SPTBN4: variants seen among roughly 807,000 people sequenced by gnomAD.
SPTBN4 encodes spectrin beta, non-erythrocytic 4.
In SPTBN4, 96 loss-of-function variants were observed where a neutral mutation model predicts 277.8. The ratio of observed to expected loss-of-function variants is 0.35; its 90% CI spans 0.29 to 0.41. The LOEUF is 0.41. Ranked by LOEUF, SPTBN4 falls within the 10% of genes least tolerant of loss-of-function variation. The pLI, the probability that SPTBN4 is intolerant of heterozygous loss-of-function variation, is 1.00. For synonymous variants in SPTBN4, 1,481 were observed against 1,580.3 expected (o/e 0.94, Z 1.49); for missense variants, 3,006 against 3,595.7 (o/e 0.84, Z 4.19).
Position 40,569,741 on chromosome 19 carries a change from G to C in SPTBN4, c.7026+15G>C. 1 of 1,604,132 alleles carries C rather than the reference G, an allele frequency of 6.2e-7. No homozygotes were observed. The highest frequency in any genetic ancestry group is 8.5e-7 in the Non-Finnish European group (1 of 1,176,840). On this transcript the variant is annotated intron_variant, in intron 32 of 35. Coordinates refer to ENST00000598249, the MANE Select transcript of SPTBN4 (RefSeq NM_020971.3). Reference sequence around the variant, plus strand: ...TGCCTGCTGGGGTAAGTTGAGCCTCGGATGGGTGGGGATAGGAGGACCCCT... The same window carrying C: ...TGCCTGCTGGGGTAAGTTGAGCCTCCGATGGGTGGGGATAGGAGGACCCCT...
At position 40,557,128 on chromosome 19, in the gene SPTBN4, C is replaced by T; in HGVS notation, c.5395C>T (p.His1799Tyr). The change falls in exon 26 of 36, where the codon CAT becomes TAT. Residue 1799 changes from histidine (H) to tyrosine (Y), a missense_variant. By Grantham distance (83) the His-to-Tyr change is moderately conservative. Coordinates refer to ENST00000598249, the MANE Select transcript of SPTBN4 (RefSeq NM_020971.3). ...GGTGGATGAGCTGATCGAGTGTGGC[C>T]ATACAGCAGCGGCCACCATGGCCGA... ...QMVDELIECG[H>Y]TAAATMAEWK... The T allele has an allele frequency of 1.2e-6, 2 of 1,610,984 alleles. No homozygotes were observed. The highest frequency in any genetic ancestry group is 1.7e-6 in the Non-Finnish European group (2 of 1,177,702).
At chr19:40,570,165 G>T (rs1396220875) in intron 32 of SPTBN4, among the ~76,000 whole-genome samples, 3 of 151,418 alleles carry the variant, frequency 2.0e-5, no homozygotes, top group Non-Finnish European at 2.9e-5. Flanking sequence ...AGACAGTGGG[G>T]ACACGCCCTG....
chr19:40,549,419 G>C lies in SPTBN4; in HGVS notation c.4584+6G>C, dbSNP rs1379804033. ...ACGACCTGGACGACGAGCTGGTGAG[G>C]CCAGCGCAGGGGCCTGGGGCGGGGC... On this transcript the variant is annotated splice_donor_region_variant and intron_variant, in intron 21 of 35. Transcript: ENST00000598249. The C allele has an allele frequency of 3.8e-6, 3 of 794,328 alleles. No homozygotes were observed. Among genetic ancestry groups the C allele is most frequent in the Non-Finnish European group, 3.5e-6 (2 of 574,264 alleles). The allele number at this position is 794,328 out of a possible 1,614,324, so 49.2% of individuals were successfully genotyped here.
Position 40,549,510 on chromosome 19 carries a change from C to G in SPTBN4, c.4584+97C>G, listed in dbSNP as rs2080894317. 4.1e-6 allele frequency: 4 copies of G among 979,384 alleles called. No homozygotes were observed. The Admixed American group carries it at 1.4e-4, about 33-fold the overall frequency. The allele number at this position is 979,384 out of a possible 1,614,324, so 60.7% of individuals were successfully genotyped here. ...GGCTGAAGATGGAGACGGCTGAGAC[C>G]CTCCCACTCATACGCTGAAAGACGC... On this transcript the variant is annotated intron_variant, in intron 21 of 35. Coordinates refer to ENST00000598249, the MANE Select transcript of SPTBN4 (RefSeq NM_020971.3).
At chr19:40,571,199 G>C (rs956877478) in intron 33 of SPTBN4, 1 of 157,894 alleles carries the variant, frequency 6.3e-6, no homozygotes, top group South Asian at 1.4e-4. Context: ...GCTTGTCGTG[G>C]AGCTTGGAGA....
chr19:40,569,646 C>T lies in SPTBN4; in HGVS notation c.6957-11C>T, dbSNP rs949041621. 1 of 1,612,222 alleles carries T rather than the reference C, an allele frequency of 6.2e-7. No homozygotes were observed. The highest frequency in any genetic ancestry group is 1.1e-5 in the South Asian group (1 of 90,732). ...TGGTTTCACTGGGTCTTTCTGTCCCCCATCCCCCAGGAAGGCCACCCTGGC... is the reference window on the plus strand; with the variant it reads ...TGGTTTCACTGGGTCTTTCTGTCCCTCATCCCCCAGGAAGGCCACCCTGGC... On this transcript the variant is annotated splice_polypyrimidine_tract_variant and intron_variant, in intron 31 of 35. Coordinates refer to ENST00000598249, the MANE Select transcript of SPTBN4 (RefSeq NM_020971.3).
At position 40,472,736 on chromosome 19, in the gene SPTBN4, G is replaced by A. The variant is rs201023290; in HGVS notation, c.115G>A (p.Ala39Thr). ...GGGCTGGGAGCGGGAGCAGCCGGCT[G>A]CGTCCACCGCAGCGGCCTCGCTCTT... Reference protein sequence around the residue: ...DRGWEREQPAASTAAASLFEC... With the variant: ...DRGWEREQPATSTAAASLFEC... Residue 39 changes from alanine to threonine, a missense_variant, in exon 2 of 36, where the codon GCG (alanine) becomes ACG (threonine). Around this residue, in one of 5 missense-constraint regions of SPTBN4, gnomAD observed 78 missense variants for 65.7 expected, o/e 1.19. Coordinates refer to ENST00000598249, the MANE Select transcript of SPTBN4 (RefSeq NM_020971.3). The A allele has an allele frequency of 1.8e-5, 29 of 1,607,346 alleles. No individual in the cohort carries two copies. The South Asian group carries it at 3.2e-4, about 18-fold the overall frequency.
rs1244668171 is a variant in SPTBN4, at chr19:40,561,638, A to G, written c.5915+1235A>G. ...GGAGTTTGAGACCAGCCTAGCCAAC[A>G]TGGCAAAACTCCGTCTCTACTAAAA... On this transcript the variant is annotated intron_variant, in intron 27 of 35. Transcript: ENST00000598249. Among the ~76,000 whole-genome samples, 5 of 152,030 alleles carry G rather than the reference A, an allele frequency of 3.3e-5. No homozygotes were observed. The East Asian group carries it at 9.7e-4, about 29-fold the overall frequency.
chr19:40,504,106 A>T lies in SPTBN4; in HGVS notation c.1639A>T (p.Met547Leu). Residue 547 changes from methionine to leucine, a missense_variant, in exon 12 of 36, where the codon ATG becomes TTG. Met to Leu is a conservative substitution (Grantham distance 15, BLOSUM62 2). Around this residue, in one of 5 missense-constraint regions of SPTBN4, gnomAD observed 1,759 missense variants for 2,061.5 expected, o/e 0.85. Coordinates refer to ENST00000598249, the MANE Select transcript of SPTBN4 (RefSeq NM_020971.3). Reference protein sequence around the residue: ...LQKVFQEMVYMVDWMEEMQAQ... With the variant: ...LQKVFQEMVYLVDWMEEMQAQ... ...GAAGGTCTTCCAGGAGATGGTGTACATGGTGGACTGGATGGAGGAGATGCA... is the reference window on the plus strand; with the variant it reads ...GAAGGTCTTCCAGGAGATGGTGTACTTGGTGGACTGGATGGAGGAGATGCA... The T allele has an allele frequency of 4.6e-6, 6 of 1,302,720 alleles. No individual in the cohort carries two copies. The highest frequency in any genetic ancestry group is 6.2e-6 in the Non-Finnish European group (6 of 975,088). 80.7% of individuals were successfully genotyped at this position (1,302,720 alleles called of 1,614,324 possible). A position where few individuals can be genotyped will look rare whatever the true frequency, so the allele number is the denominator to read the frequency against.
chr19:40,556,597 A>G (rs1288938586), intron 25 of SPTBN4, among the ~76,000 whole-genome samples: 13 of 151,910 alleles, frequency 8.6e-5, no homozygotes, highest in Admixed American at 8.5e-4. Flanking sequence ...GATGATGATG[A>G]TGATGATGAT....
In SPTBN4 at chr19:40,483,153, G is replaced by A. The variant is rs556850932; in HGVS notation, c.170-4544G>A. Among the ~76,000 whole-genome samples the A allele has an allele frequency of 1.8e-4, 27 of 152,108 alleles. No individual in the cohort carries two copies. The South Asian group carries it at 5.6e-3, about 32-fold the overall frequency. ...AATGTGAAAACTGGGGTCCCGAGAG[G>A]GGAGATGACCTCGAGAAGTCACCTG... On this transcript the variant is annotated intron_variant, in intron 2 of 35. Transcript: ENST00000598249.
At chr19:40,489,989 C>T (rs2080118589) in intron 3 of SPTBN4, 86 bp from the exon 4 acceptor site, 5 of 1,398,686 alleles carry the variant, frequency 3.6e-6, no homozygotes, top group Admixed American at 2.8e-5. Context: ...CCACGGGAGG[C>T]GGGCTTCTTT....
Position 40,512,695 on chromosome 19 carries a change from C to A in SPTBN4, c.1906C>A (p.Arg636=). 6.5e-7 allele frequency: 1 copy of A among 1,527,402 alleles called. No individual in the cohort carries two copies. The highest frequency in any genetic ancestry group is 2.5e-5 in the East Asian group (1 of 39,440). 94.6% of individuals were successfully genotyped at this position (1,527,402 alleles called of 1,614,324 possible). Residue 636 remains arginine, a synonymous_variant, in exon 14 of 36, where the codon CGA becomes AGA. Transcript: ENST00000598249. The part of the protein sequence containing the change: ...LAELQEQAAR[R]RAELEASRSL... ...GGAGCTGCAGGAGCAGGCAGCGCGG[C>A]GACGCGCGGAGCTGGAGGCTTCGCG... is the stretch of plus-strand genomic sequence containing the variant.
chr19:40,497,850 A>G (rs1023022854), intron 7 of SPTBN4, among the ~76,000 whole-genome samples: 1 of 150,036 alleles, frequency 6.7e-6, no homozygotes, highest in Non-Finnish European at 1.5e-5. Context: ...CCGTGTCCCA[A>G]CGTAACCCCT....
At chr19:40,522,145 G>T (rs2145880302) in intron 16 of SPTBN4, among the ~76,000 whole-genome samples, 1 of 152,098 alleles carries the variant, frequency 6.6e-6, no homozygotes, top group Middle Eastern at 3.4e-3. Flanking sequence ...TCCCACGTCA[G>T]CCCTCCAAGT....
rs1193396174 is a variant in SPTBN4 at position 40,549,199 on chromosome 19, C to T, written c.4370C>T (p.Ser1457Leu). The change falls in exon 21 of 36, where the codon TCG becomes TTG. Residue 1457 changes from serine (S) to leucine (L), a missense_variant. By Grantham distance (145) the Ser-to-Leu change is moderately radical. Around this residue, in one of 5 missense-constraint regions of SPTBN4, gnomAD observed 1,759 missense variants for 2,061.5 expected, o/e 0.85. Transcript: ENST00000598249. ...CCTCTGTCCCCACAGTCCATGGAGT[C>T]GCAGGTGGAGGAGTGGTACCGCGAG... ...SQLKKLQSME[S>L]QVEEWYREVG... The T allele has an allele frequency of 1.3e-6, 2 of 1,545,942 alleles. No individual in the cohort carries two copies. Among genetic ancestry groups the T allele is most frequent in the Non-Finnish European group, 1.7e-6 (2 of 1,146,168 alleles).
At position 40,472,676 on chromosome 19, in the gene SPTBN4, A is replaced by G; in HGVS notation, c.55A>G (p.Asn19Asp). ...DNMEGLPAPN[N>D]NPAARWESPD... The stretch of plus-strand genomic sequence containing the variant: ...CATGGAGGGCCTGCCTGCTCCTAAC[A>G]ACAACCCTGCTGCCCGCTGGGAGAG... The change falls in exon 2 of 36, where the codon AAC becomes GAC. Residue 19 changes from asparagine to aspartate, a missense_variant. Transcript: ENST00000598249. 6.2e-7 allele frequency: 1 copy of G among 1,613,906 alleles called. No homozygotes were observed. The highest frequency in any genetic ancestry group is 8.5e-7 in the Non-Finnish European group (1 of 1,179,944).
At chr19:40,516,963 T>C (rs1332402450) in intron 15 of SPTBN4, among the ~76,000 whole-genome samples, 1 of 152,222 alleles carries the variant, frequency 6.6e-6, no homozygotes, top group Non-Finnish European at 1.5e-5. Context: ...CTAATATCAG[T>C]ACCTCTGGAA....
At position 40,572,127 on chromosome 19, in the gene SPTBN4, C is replaced by T. The variant is rs753027289; in HGVS notation, c.7428C>T (p.Ser2476=). ...GSTHGGEPLL[S]LHKATSEVAS... ...CACACGGTGGGGAACCGCTGCTCAG[C>T]CTGCACAAGGCCACCAGCGAGGTGG... Residue 2476 remains serine (S), a synonymous_variant, in exon 34 of 36, where the codon AGC becomes AGT. Coordinates refer to ENST00000598249, the MANE Select transcript of SPTBN4 (RefSeq NM_020971.3). 1.9e-6 allele frequency: 3 copies of T among 1,612,292 alleles called. No individual in the cohort carries two copies. The highest frequency in any genetic ancestry group is 2.5e-6 in the Non-Finnish European group (3 of 1,179,066).
Sources: allele counts gnomAD v4.1 joint callset (sites outside exome capture counted in the v4.1 genomes callset), GRCh38; gene constraint gnomAD v4.1.1; regional missense constraint gnomAD v4.1.1; transcripts MANE v1.5; gene names NCBI Gene and HGNC (gene_info 2026-07-23, HGNC 2026-07-21).